TTBK1: variants seen among roughly 807,000 people sequenced by gnomAD.
TTBK1 encodes tau tubulin kinase 1.
A neutral mutation model predicts 108.5 loss-of-function variants in TTBK1; 34 were observed. That is an observed-to-expected ratio of 0.31 (90% CI 0.24 to 0.42). The LOEUF (loss-of-function observed/expected upper bound fraction) is 0.42, where lower values mean the gene tolerates loss of function less well. Ranked by LOEUF, TTBK1 falls within the 10% of genes least tolerant of loss-of-function variation. The pLI, the probability that TTBK1 is intolerant of heterozygous loss-of-function variation, is 1.00. For missense variants in TTBK1, 1,539 were observed against 1,826.0 expected (o/e 0.84, Z 2.86); for synonymous variants, 809 against 795.1 (o/e 1.02, Z -0.29).
chr6:43,266,727 C>T (rs778695710), intron 13 of TTBK1, among the ~76,000 whole-genome samples: 2 of 152,208 alleles, frequency 1.3e-5, no homozygotes, highest in Admixed American at 6.5e-5. Context: ...AGCAATTCTC[C>T]TGCCTCAGCC....
chr6:43,255,148 G>A (rs745363088), intron 7 of TTBK1, 34 bp downstream of exon 7: 3 of 1,590,508 alleles, frequency 1.9e-6, no homozygotes, highest in South Asian at 2.2e-5. Context: ...AGGATGTGGA[G>A]GTGGGAGGGG....
At chr6:43,246,446 T>C (rs1378611231) in intron 1 of TTBK1, among the ~76,000 whole-genome samples, 161 bp from the exon 2 acceptor site, 1 of 152,234 alleles carries the variant, frequency 6.6e-6, no homozygotes, top group Non-Finnish European at 1.5e-5. Flanking sequence ...TGTATCTCCC[T>C]TGCACTGGCC....
chr6:43,256,794 C>A (rs933568005), intron 9 of TTBK1, among the ~76,000 whole-genome samples: 13 of 152,144 alleles, frequency 8.5e-5, no homozygotes, highest in Admixed American at 7.2e-4. Context: ...AAGTACTTTA[C>A]ATGAAAACTC....
Position 43,287,563 on chromosome 6 carries a change from C to T in TTBK1, c.*2187C>T, listed in dbSNP as rs1778412356. The T allele has an allele frequency of 6.6e-6, 1 of 152,206 alleles. No homozygotes were observed. Among genetic ancestry groups the T allele is most frequent in the African/African-American group, 2.4e-5 (1 of 41,420 alleles). 9.4% of individuals were successfully genotyped at this position (152,206 alleles called of 1,614,324 possible). ...TGGGATTCCAAACCTCCCTAGGGCT[C>T]CCAACTGACCTCAGGCCTCTGAGTC... On this transcript the variant is annotated 3_prime_UTR_variant, in exon 15 of 15. Transcript: ENST00000259750. The surrounding 1 kb of genome is among the most constrained non-coding windows in gnomAD (Gnocchi z 4.1).
In TTBK1 at chr6:43,283,103, C is replaced by A; in HGVS notation, c.2363C>A (p.Ser788Tyr). 1 of 1,581,270 alleles carries A rather than the reference C, an allele frequency of 6.3e-7. No individual in the cohort carries two copies. Among genetic ancestry groups the A allele is most frequent in the Non-Finnish European group, 8.6e-7 (1 of 1,164,264 alleles). The change falls in exon 14 of 15, where the codon TCC (serine) becomes TAC (tyrosine). Residue 788 changes from serine (S) to tyrosine (Y), a missense_variant. Ser to Tyr is a moderately radical substitution (Grantham distance 144). This residue lies in a region of TTBK1 where 1,055 missense variants were observed against 1,086.5 expected (regional missense o/e 0.97). Transcript: ENST00000259750. This position sits in a 1 kb window ranked among gnomAD's most constrained non-coding sequence, Gnocchi z 8.1. ...LGEVLGPRSGSSSEGSERSTD... is the reference protein window; with the variant it reads ...LGEVLGPRSGYSSEGSERSTD... ...GAGGTGCTGGGGCCTCGTAGTGGCTCCAGCAGTGAGGGGAGTGAGAGGAGC... is the reference window on the plus strand; with the variant it reads ...GAGGTGCTGGGGCCTCGTAGTGGCTACAGCAGTGAGGGGAGTGAGAGGAGC...
At chr6:43,267,959 G>C (rs1777727880) in intron 13 of TTBK1, among the ~76,000 whole-genome samples, 1 of 152,210 alleles carries the variant, frequency 6.6e-6, no homozygotes, top group South Asian at 2.1e-4. Flanking sequence ...CAGTGGGGTG[G>C]AGATGCAAAG....
chr6:43,280,484 A>G (rs1778126167), intron 13 of TTBK1, among the ~76,000 whole-genome samples: 2 of 152,196 alleles, frequency 1.3e-5, no homozygotes, highest in South Asian at 2.1e-4. Flanking sequence ...CCTTTGTGGA[A>G]TGTGCATATC....
chr6:43,255,158 GCAA>G, intron 7 of TTBK1, 44 bp downstream of exon 7: 3 of 1,305,712 alleles, frequency 2.3e-6, no homozygotes, highest in Admixed American at 1.8e-5. Flanking sequence ...GGTGGGAGGG[GCAA>G]GGTCGGGGTG....
intron 13 of TTBK1, among the ~76,000 whole-genome samples, chr6:43,268,415 C>T (rs1481630723): frequency 6.6e-6 from 1 of 152,198 alleles, no homozygotes; most frequent in Non-Finnish European, 1.5e-5. Context: ...TTAGAATGTT[C>T]TCCCTCTTCC....
intron 13 of TTBK1, among the ~76,000 whole-genome samples, chr6:43,267,434 T>G (rs933940070): frequency 2.0e-5 from 3 of 152,084 alleles, no homozygotes; most frequent in Non-Finnish European, 2.9e-5. Context: ...TCCCACCACC[T>G]TTTTGGAGGC....
intron 1 of TTBK1, 108 bp from the exon 2 acceptor site, chr6:43,246,499 A>G: frequency 3.6e-6 from 2 of 558,426 alleles, no homozygotes; most frequent in Non-Finnish European, 6.4e-6. Context: ...GCATCTGTCC[A>G]GTGGGGCCAG....
chr6:43,255,005 T>G (rs1298307674), intron 6 of TTBK1, 44 bp from the exon 7 acceptor site: 3 of 1,588,338 alleles, frequency 1.9e-6, no homozygotes, highest in South Asian at 2.2e-5. Flanking sequence ...GTGGCTGAGG[T>G]GAGGGCATGG....
At chr6:43,267,548 A>G (rs1777714398) in intron 13 of TTBK1, among the ~76,000 whole-genome samples, 1 of 152,348 alleles carries the variant, frequency 6.6e-6, no homozygotes, top group African/African-American at 2.4e-5. Flanking sequence ...TCACCTGCAC[A>G]TGTGGGGAAC....
rs1041657207 is a variant in TTBK1 at position 43,253,207 on chromosome 6, C to G, written c.257-84C>G. On this transcript the variant is annotated intron_variant, in intron 3 of 14. Transcript: ENST00000259750. The surrounding 1 kb of genome is among the most constrained non-coding windows in gnomAD (Gnocchi z 5.8). ...GGCCAGCACTGGAGGGACCAGGAATCAAGAGTGCACTAGGAACCCATCTTA... is the reference window on the plus strand; with the variant it reads ...GGCCAGCACTGGAGGGACCAGGAATGAAGAGTGCACTAGGAACCCATCTTA... The G allele has an allele frequency of 2.7e-6, 4 of 1,459,828 alleles. No individual in the cohort carries two copies. Among genetic ancestry groups the G allele is most frequent in the Non-Finnish European group, 3.8e-6 (4 of 1,040,842 alleles). The allele number at this position is 1,459,828 out of a possible 1,614,324, so 90.4% of individuals were successfully genotyped here.
intron 1 of TTBK1, among the ~76,000 whole-genome samples, chr6:43,245,363 G>A (rs543057906): frequency 6.6e-6 from 1 of 152,298 alleles, no homozygotes; most frequent in South Asian, 2.1e-4. Context: ...GAGGGAAAGA[G>A]AAGAGGAAAA....
intron 2 of TTBK1, 95 bp downstream of exon 2, chr6:43,246,863 C>T (rs1425153437): frequency 4.2e-6 from 4 of 944,296 alleles, no homozygotes; most frequent in Non-Finnish European, 4.8e-6. Context: ...GCTCCCCTAC[C>T]CTAAGAGGGA....
Position 43,253,842 on chromosome 6 carries a change from C to T in TTBK1, c.471+134C>T. The T allele has an allele frequency of 1.7e-6, 2 of 1,194,064 alleles. No individual in the cohort carries two copies. The highest frequency in any genetic ancestry group is 2.3e-6 in the Non-Finnish European group (2 of 876,274). The allele number at this position is 1,194,064 out of a possible 1,614,324, so 74.0% of individuals were successfully genotyped here. On this transcript the variant is annotated intron_variant, in intron 5 of 14. Transcript: ENST00000259750. The surrounding 1 kb of genome is among the most constrained non-coding windows in gnomAD (Gnocchi z 5.8). ...TGGGACAGCCTCTTCTCCCCAAGCCCCTCCTGCTCTCCTTCCCAGGCCCCA... is the reference window on the plus strand; with the variant it reads ...TGGGACAGCCTCTTCTCCCCAAGCCTCTCCTGCTCTCCTTCCCAGGCCCCA...
At position 43,288,076 on chromosome 6, in the gene TTBK1, A is replaced by C. The variant is rs943793088; in HGVS notation, c.*2700A>C. Reference sequence around the variant, plus strand: ...TTCCCCTCCCTCGGGAAGCCACCTAAGAATGTTTACATGCCAAACAGAATG... The same window carrying C: ...TTCCCCTCCCTCGGGAAGCCACCTACGAATGTTTACATGCCAAACAGAATG... On this transcript the variant is annotated 3_prime_UTR_variant, in exon 15 of 15. Coordinates refer to ENST00000259750, the MANE Select transcript of TTBK1 (RefSeq NM_032538.3). The surrounding 1 kb of genome is among the most constrained non-coding windows in gnomAD (Gnocchi z 4.4). The C allele has an allele frequency of 6.5e-6, 1 of 152,794 alleles. No homozygotes were observed. The highest frequency in any genetic ancestry group is 1.5e-5 in the Non-Finnish European group (1 of 68,096). The allele number at this position is 152,794 out of a possible 1,614,324, so 9.5% of individuals were successfully genotyped here.
rs1429625962 is a variant in TTBK1 at position 43,285,529 on chromosome 6, A to C, written c.*153A>C. On this transcript the variant is annotated 3_prime_UTR_variant, in exon 15 of 15. Transcript: ENST00000259750. The surrounding 1 kb of genome is among the most constrained non-coding windows in gnomAD (Gnocchi z 4.7). ...GCCTGCACCCGCGAGGACGCGCGCG[A>C]GCACACGCGGCGCCCCGCCAGGCCT... 3.8e-6 allele frequency: 4 copies of C among 1,059,772 alleles called. No individual in the cohort carries two copies. The highest frequency in any genetic ancestry group is 4.8e-6 in the Non-Finnish European group (4 of 837,706). The allele number at this position is 1,059,772 out of a possible 1,614,324, so 65.6% of individuals were successfully genotyped here. A position where few individuals can be genotyped will look rare whatever the true frequency, so the allele number is the denominator to read the frequency against.
Sources: allele counts gnomAD v4.1 joint callset (sites outside exome capture counted in the v4.1 genomes callset), GRCh38; gene constraint gnomAD v4.1.1; regional missense constraint gnomAD v4.1.1; non-coding constraint Gnocchi (gnomAD v3.1); transcripts MANE v1.5; gene names NCBI Gene and HGNC (gene_info 2026-07-23, HGNC 2026-07-21).